The following GANC variants were observed in gnomAD, a reference collection of about 807,000 sequenced individuals.
GANC encodes the protein neutral alpha-glucosidase C.
In GANC, 117 loss-of-function variants were observed where a neutral mutation model predicts 124.2. The ratio of observed to expected loss-of-function variants is 0.94; its 90% confidence interval spans 0.81 to 1.10. The LOEUF is 1.10. Ranked by LOEUF, GANC falls within the 50% of genes least tolerant of loss-of-function variation. The probability of loss-of-function intolerance (pLI) is 0.00; values close to 1 mark genes in which losing one functional copy is unlikely to be tolerated. For synonymous variants in GANC, 377 were observed against 376.8 expected, an observed-to-expected ratio of 1.00 and a Z score of -0.01; for missense variants, 1,140 against 1,095.0, an observed-to-expected ratio of 1.04 and a Z score of -0.58.
intron 7 of GANC, among the ~76,000 whole-genome samples, chr15:42,307,188 C>T (rs189865347): frequency 4.2e-4 from 64 of 152,236 alleles, no homozygotes; most frequent in African/African-American, 1.4e-3. Context: ...TGTAGAATAA[C>T]AAACCCTTTC....
rs780635972 is a variant in GANC at position 42,273,239 on chromosome 15, T to C, written c.-1243T>C. ...TTGCTCCTCTAGGTTCAGACGTTAGTGAAGTGAATACTCACCGACGGTATC... is the reference window on the plus strand; with the variant it reads ...TTGCTCCTCTAGGTTCAGACGTTAGCGAAGTGAATACTCACCGACGGTATC... On this transcript the variant is annotated 5_prime_UTR_variant, in exon 1 of 24. Transcript: ENST00000318010. 24 of 1,613,058 alleles carry C rather than the reference T, an allele frequency of 1.5e-5. No homozygotes were observed. Among genetic ancestry groups the C allele is most frequent in the Non-Finnish European group, 2.0e-5 (24 of 1,179,342 alleles).
In GANC at chr15:42,292,827, T is replaced by C; in HGVS notation, c.422T>C (p.Val141Ala). Residue 141 changes from valine to alanine, a missense_variant, in exon 5 of 24, where the codon GTA becomes GCA. Physicochemically the swap from Val to Ala is moderately conservative, Grantham distance 64 (BLOSUM62 0). Coordinates refer to ENST00000318010, the MANE Select transcript of GANC (RefSeq NM_198141.3). ...KCHITANPFK[V>A]DLVSEEEVVI... ...CATATCACAGCAAACCCATTCAAGGTAGACTTGGTGTCTGAAGAAGAGGTT... is the reference window on the plus strand; with the variant it reads ...CATATCACAGCAAACCCATTCAAGGCAGACTTGGTGTCTGAAGAAGAGGTT... 1.2e-6 allele frequency: 2 copies of C among 1,614,162 alleles called. No homozygotes were observed. Among genetic ancestry groups the C allele is most frequent in the Non-Finnish European group, 1.7e-6 (2 of 1,179,994 alleles).
rs184359281 is a variant in GANC at position 42,297,424 on chromosome 15, A to T, written c.513-187A>T. Among the ~76,000 whole-genome samples the T allele has an allele frequency of 2.8e-4, 42 of 152,198 alleles. No individual in the cohort carries two copies. In the East Asian group the frequency reaches 7.1e-3, roughly 26 times the overall value. Reference sequence around the variant, plus strand: ...GTGACCCTCTAGCCTCAGCCTCCCAAGTAGCTGGGATTACAGGCAGGCACC... The same window carrying T: ...GTGACCCTCTAGCCTCAGCCTCCCATGTAGCTGGGATTACAGGCAGGCACC... On this transcript the variant is annotated intron_variant, in intron 5 of 23. Coordinates refer to ENST00000318010, the MANE Select transcript of GANC (RefSeq NM_198141.3).
intron 14 of GANC, among the ~76,000 whole-genome samples, chr15:42,330,107 T>C (rs1027332030): frequency 6.6e-6 from 1 of 152,222 alleles, no homozygotes; most frequent in African/African-American, 2.4e-5. Flanking sequence ...TTTGGCTAAA[T>C]ATAAGCATAG....
At chr15:42,283,509 T>G in intron 3 of GANC, 1 of 627,428 alleles carries the variant, frequency 1.6e-6, no homozygotes, top group Non-Finnish European at 2.9e-6. Flanking sequence ...TAAATAGCAT[T>G]GCTAGCAAGG....
intron 11 of GANC, among the ~76,000 whole-genome samples, chr15:42,325,217 G>A (rs535113616): frequency 1.6e-4 from 25 of 152,244 alleles, no homozygotes; most frequent in African/African-American, 6.0e-4. Flanking sequence ...AGGTTGCAAT[G>A]AGCCGAGATC....
chr15:42,312,326 G>A (rs1049732085), intron 10 of GANC, among the ~76,000 whole-genome samples: 3 of 152,304 alleles, frequency 2.0e-5, no homozygotes, highest in South Asian at 4.1e-4. Flanking sequence ...CCGGTGGGAG[G>A]TAATTGAATC....
At chr15:42,291,165 A>T (rs997968335) in intron 4 of GANC, among the ~76,000 whole-genome samples, 2 of 152,160 alleles carry the variant, frequency 1.3e-5, no homozygotes, top group South Asian at 2.1e-4. Flanking sequence ...TGCAAAAAAA[A>T]CCTGGGAAAT....
intron 9 of GANC, 73 bp downstream of exon 9, chr15:42,310,536 T>C: frequency 6.8e-7 from 1 of 1,478,660 alleles, no homozygotes; most frequent in Non-Finnish European, 9.1e-7. Flanking sequence ...TTATAGCTCT[T>C]ATCTTTGTAT....
At chr15:42,306,672 T>C in intron 7 of GANC, 60 bp downstream of exon 7, 1 of 1,194,134 alleles carries the variant, frequency 8.4e-7, no homozygotes, top group East Asian at 2.4e-5. Flanking sequence ...TACATAATTC[T>C]ATCAAAAAGC....
intron 12 of GANC, among the ~76,000 whole-genome samples, 159 bp from the exon 13 acceptor site, chr15:42,327,204 C>T (rs907924768): frequency 3.9e-5 from 6 of 152,186 alleles, no homozygotes; most frequent in African/African-American, 1.4e-4. Context: ...CCAGCATTAC[C>T]TTCCTTCACT....
rs1170019228 is a variant in GANC at position 42,352,140 on chromosome 15, C to T, written c.*1C>T. ...TGACTGGGAGGTCCGCATCATATGACAAAGAACTGCCCCTGGTGATGTGAG... is the reference window on the plus strand; with the variant it reads ...TGACTGGGAGGTCCGCATCATATGATAAAGAACTGCCCCTGGTGATGTGAG... On this transcript the variant is annotated 3_prime_UTR_variant, in exon 24 of 24. Coordinates refer to ENST00000318010, the MANE Select transcript of GANC (RefSeq NM_198141.3). 6.2e-7 allele frequency: 1 copy of T among 1,614,144 alleles called. No individual in the cohort carries two copies. The highest frequency in any genetic ancestry group is 8.5e-7 in the Non-Finnish European group (1 of 1,180,000).
At chr15:42,330,991 G>T (rs2141065538) in intron 15 of GANC, among the ~76,000 whole-genome samples, 1 of 151,696 alleles carries the variant, frequency 6.6e-6, no homozygotes, top group East Asian at 1.9e-4. Context: ...TAGAGACAGG[G>T]TTTCACCATG....
intron 13 of GANC, among the ~76,000 whole-genome samples, chr15:42,328,843 A>G (rs1031283935): frequency 1.6e-4 from 25 of 152,248 alleles, no homozygotes. Context: ...GTTAACAAAC[A>G]GGTATATTGG....
chr15:42,320,963 C>T (rs1436999794), intron 10 of GANC, among the ~76,000 whole-genome samples: 1 of 152,218 alleles, frequency 6.6e-6, no homozygotes, highest in Non-Finnish European at 1.5e-5. Context: ...AATTACTCCA[C>T]TCCCATTCTC....
At chr15:42,311,261 A>G in intron 10 of GANC, among the ~76,000 whole-genome samples, 1 of 152,228 alleles carries the variant, frequency 6.6e-6, no homozygotes, top group Non-Finnish European at 1.5e-5. Context: ...TTGCATTTTC[A>G]CCACTATTAT....
chr15:42,312,743 A>G (rs749388398), intron 10 of GANC, among the ~76,000 whole-genome samples: 36 of 152,154 alleles, frequency 2.4e-4, no homozygotes, highest in Non-Finnish European at 3.5e-4. Context: ...GTTTGAGACC[A>G]GCCTGACCAA....
intron 17 of GANC, 44 bp from the exon 18 acceptor site, chr15:42,340,646 A>G: frequency 7.2e-7 from 1 of 1,382,404 alleles, no homozygotes; most frequent in Non-Finnish European, 1.0e-6. Flanking sequence ...GATTGCAATA[A>G]GATGTCTATA....
At chr15:42,330,248 A>G (rs143863869) in intron 14 of GANC, among the ~76,000 whole-genome samples, 140 of 152,330 alleles carry the variant, frequency 9.2e-4, no homozygotes, top group African/African-American at 3.2e-3. Flanking sequence ...TTTCGTACCA[A>G]TGAAAACTGT....
Sources: gnomAD v4.1 joint callset for allele counts (sites outside exome capture counted in the v4.1 genomes callset) on GRCh38, gnomAD v4.1.1 for gene constraint, MANE v1.5 for transcripts, NCBI Gene and HGNC (gene_info 2026-07-23, HGNC 2026-07-21) for gene names.